The following TNFSF15 variants were observed in gnomAD, a reference collection of about 807,000 sequenced individuals.
TNFSF15 encodes tumor necrosis factor ligand superfamily member 15.
Under a neutral mutation model 26.4 loss-of-function variants are expected in TNFSF15, and 15 were observed. The observed-to-expected ratio is 0.57, with a 90% CI of 0.38 to 0.87. The LOEUF (loss-of-function observed/expected upper bound fraction) is 0.87, where lower values mean the gene tolerates loss of function less well. TNFSF15 is among the 40% of genes least tolerant of loss of function. TNFSF15 has a pLI of 0.00. For synonymous variants in TNFSF15, 116 were observed against 115.0 expected (o/e 1.01, Z -0.06); for missense variants, 290 against 306.1 (o/e 0.95, Z 0.39).
At position 114,787,925 on chromosome 9, in the gene TNFSF15, A is replaced by G. The variant is rs1229330217; in HGVS notation, c.*2527T>C. 6.5e-5 allele frequency: 10 copies of G among 153,646 alleles called. No individual in the cohort carries two copies. Among genetic ancestry groups the G allele is most frequent in the Non-Finnish European group, 1.5e-4 (10 of 68,040 alleles). 9.5% of individuals were successfully genotyped at this position (153,646 alleles called of 1,614,324 possible). A position where few individuals can be genotyped will look rare whatever the true frequency, so the allele number is the denominator to read the frequency against. On this transcript the variant is annotated 3_prime_UTR_variant, in exon 4 of 4. Coordinates refer to ENST00000374045, the MANE Select transcript of TNFSF15 (RefSeq NM_005118.4). ...ATTAGGAAATTCCTGTCTTGGGATAAATTTCCAGATCCACCAGATCACCTA... is the reference window on the plus strand; with the variant it reads ...ATTAGGAAATTCCTGTCTTGGGATAGATTTCCAGATCCACCAGATCACCTA...
intron 1 of TNFSF15, among the ~76,000 whole-genome samples, chr9:114,804,708 C>T (rs1256448391): frequency 6.6e-6 from 1 of 152,206 alleles, no homozygotes; most frequent in African/African-American, 2.4e-5. Flanking sequence ...CATATTTCTA[C>T]ATTTTATGAG....
chr9:114,792,674 T>C, intron 2 of TNFSF15: 2 of 1,156,412 alleles, frequency 1.7e-6, no homozygotes, highest in Non-Finnish European at 2.4e-6. Flanking sequence ...TGAACACAAA[T>C]GAATCTTGGC....
Position 114,790,421 on chromosome 9 carries a change from G to A in TNFSF15, c.*31C>T. 1 of 1,529,638 alleles carries A rather than the reference G, an allele frequency of 6.5e-7. No individual in the cohort carries two copies. The allele number at this position is 1,529,638 out of a possible 1,614,324, so 94.8% of individuals were successfully genotyped here. On this transcript the variant is annotated 3_prime_UTR_variant, in exon 4 of 4. Transcript: ENST00000374045. Reference sequence around the variant, plus strand: ...AGAAAATTAGGAACTCGGTGGCAGAGGACTTTCATATAATGATATTTGCTC... The same window carrying A: ...AGAAAATTAGGAACTCGGTGGCAGAAGACTTTCATATAATGATATTTGCTC...
At chr9:114,799,977 C>T (rs1268773663) in intron 1 of TNFSF15, among the ~76,000 whole-genome samples, 4 of 152,184 alleles carry the variant, frequency 2.6e-5, no homozygotes, top group Admixed American at 6.5e-5. Flanking sequence ...GGCATCTTCA[C>T]TGAGGGATAA....
In TNFSF15 at chr9:114,789,127, G is replaced by T. The variant is rs1308440758; in HGVS notation, c.*1325C>A. 1.3e-5 allele frequency: 2 copies of T among 152,244 alleles called. No individual in the cohort carries two copies. Among genetic ancestry groups the T allele is most frequent in the South Asian group, 2.1e-4 (1 of 4,814 alleles). The allele number at this position is 152,244 out of a possible 1,614,324, so 9.4% of individuals were successfully genotyped here. ...CCTTCCCCCATGGAATAAGTCCATT[G>T]TCTCTCAGCATCAAACAAGTTGGCA... On this transcript the variant is annotated 3_prime_UTR_variant, in exon 4 of 4. Coordinates refer to ENST00000374045, the MANE Select transcript of TNFSF15 (RefSeq NM_005118.4).
chr9:114,791,164 A>T, intron 3 of TNFSF15: 1 of 577,612 alleles, frequency 1.7e-6, no homozygotes, highest in South Asian at 2.5e-5. Context: ...GAAAATTTTT[A>T]ATTTTACCTG....
rs973892425 is a variant in TNFSF15 at position 114,787,570 on chromosome 9, T to C, written c.*2882A>G. ...CCTAAATTTACTGTTTTCTAAAGCATGCTTCTTCCTCCCTCCCAAACCCTG... is the reference window on the plus strand; with the variant it reads ...CCTAAATTTACTGTTTTCTAAAGCACGCTTCTTCCTCCCTCCCAAACCCTG... On this transcript the variant is annotated 3_prime_UTR_variant, in exon 4 of 4. Coordinates refer to ENST00000374045, the MANE Select transcript of TNFSF15 (RefSeq NM_005118.4). The C allele has an allele frequency of 6.6e-6, 1 of 152,600 alleles. No individual in the cohort carries two copies. Among genetic ancestry groups the C allele is most frequent in the African/African-American group, 2.4e-5 (1 of 41,458 alleles). 9.5% of individuals were successfully genotyped at this position (152,600 alleles called of 1,614,324 possible).
intron 1 of TNFSF15, among the ~76,000 whole-genome samples, chr9:114,794,565 G>A (rs369659643): frequency 2.6e-5 from 4 of 152,166 alleles, no homozygotes; most frequent in East Asian, 3.9e-4. Flanking sequence ...GGATACTTGC[G>A]CTCACATGCT....
intron 1 of TNFSF15, among the ~76,000 whole-genome samples, chr9:114,797,748 T>C (rs891857605): frequency 2.6e-5 from 4 of 152,212 alleles, no homozygotes; most frequent in Non-Finnish European, 5.9e-5. Context: ...TAGCCTCCAA[T>C]TGAATAGACA....
At chr9:114,791,189 G>A (rs1328947904) in intron 3 of TNFSF15, 4 of 560,750 alleles carry the variant, frequency 7.1e-6, no homozygotes, top group Admixed American at 3.5e-5. Flanking sequence ...CTATGATCCT[G>A]GAGAACAATG....
intron 1 of TNFSF15, among the ~76,000 whole-genome samples, chr9:114,795,360 T>G (rs55958451): frequency 2.7e-3 from 415 of 152,292 alleles, no homozygotes; most frequent in Non-Finnish European, 4.9e-3. Flanking sequence ...GTGTTGTGAG[T>G]GTATAGTCAG....
At position 114,805,922 on chromosome 9, in the gene TNFSF15, T is replaced by C; in HGVS notation, c.91A>G (p.Ser31Gly). The C allele has an allele frequency of 6.2e-7, 1 of 1,614,174 alleles. No individual in the cohort carries two copies. Among genetic ancestry groups the C allele is most frequent in the Non-Finnish European group, 8.5e-7 (1 of 1,180,044 alleles). Residue 31 changes from serine (S) to glycine (G), a missense_variant, in exon 1 of 4, where the codon AGC becomes GGC. Transcript: ENST00000374045. ...CAGGTGAGAGCCCAGCGTGCGCTGC[T>C]GCTCCTGGCCTTGGGCCTGCAGCTG... Reference protein sequence around the residue: ...HGSCRPKARSSSARWALTCCL... With the variant: ...HGSCRPKARSGSARWALTCCL...
At chr9:114,800,516 T>C (rs886338467) in intron 1 of TNFSF15, among the ~76,000 whole-genome samples, 5 of 152,318 alleles carry the variant, frequency 3.3e-5, no homozygotes, top group Middle Eastern at 3.4e-3. Context: ...AGGAGAAATA[T>C]ATACAGTGGA....
At chr9:114,797,826 G>A (rs973293128) in intron 1 of TNFSF15, among the ~76,000 whole-genome samples, 4 of 152,172 alleles carry the variant, frequency 2.6e-5, no homozygotes. Context: ...ATCCAGGATC[G>A]AATTTTATTA....
chr9:114,790,845 A>G lies in TNFSF15; in HGVS notation c.363T>C (p.His121=). 6 of 1,614,110 alleles carry G rather than the reference A, an allele frequency of 3.7e-6. No individual in the cohort carries two copies. The highest frequency in any genetic ancestry group is 4.2e-6 in the Non-Finnish European group (5 of 1,180,008). ...TCTTGGTGAAGGCCAGGCCTAGTTC[A>G]TGTTCCCAGTGCAGAGCTGGGAACT... ...KNQFPALHWE[H]ELGLAFTKNR... is the part of the protein sequence containing the mutation. Residue 121 remains histidine (H), a synonymous_variant, in exon 4 of 4, where the codon CAT becomes CAC. Transcript: ENST00000374045.
chr9:114,804,271 AC>A (rs955484806), intron 1 of TNFSF15, among the ~76,000 whole-genome samples: 15 of 152,070 alleles, frequency 9.9e-5, no homozygotes, highest in African/African-American at 3.4e-4. Flanking sequence ...AGTAAAAAAG[AC>A]CCCGTGCCTT....
intron 3 of TNFSF15, 110 bp from the exon 4 acceptor site, chr9:114,791,016 A>G (rs1228136988): frequency 3.0e-6 from 3 of 984,958 alleles, no homozygotes; most frequent in South Asian, 1.6e-5. Flanking sequence ...AATATACCTA[A>G]CAGCTAAAAA....
At position 114,788,245 on chromosome 9, in the gene TNFSF15, T is replaced by A. The variant is rs1024385452; in HGVS notation, c.*2207A>T. Reference sequence around the variant, plus strand: ...CTTTAAGTCAAGGGTAATTCCTCCATCTGAGATGCCCTTTCCCTGTGGTCA... The same window carrying A: ...CTTTAAGTCAAGGGTAATTCCTCCAACTGAGATGCCCTTTCCCTGTGGTCA... On this transcript the variant is annotated 3_prime_UTR_variant, in exon 4 of 4. Transcript: ENST00000374045. 6 of 153,746 alleles carry A rather than the reference T, an allele frequency of 3.9e-5. No homozygotes were observed. Among genetic ancestry groups the A allele is most frequent in the African/African-American group, 1.2e-4 (5 of 41,444 alleles). The allele number at this position is 153,746 out of a possible 1,614,324, so 9.5% of individuals were successfully genotyped here. A position where few individuals can be genotyped will look rare whatever the true frequency, so the allele number is the denominator to read the frequency against.
chr9:114,800,564 G>GCACATTGTT (rs1564346988), intron 1 of TNFSF15, among the ~76,000 whole-genome samples: 2 of 152,248 alleles, frequency 1.3e-5, no homozygotes, highest in East Asian at 3.9e-4. Flanking sequence ...GTGTGACTGG[G>GCACATTGTT]CACATTGTTT....
Sources: allele counts gnomAD v4.1 joint callset (sites outside exome capture counted in the v4.1 genomes callset), GRCh38; gene constraint gnomAD v4.1.1; transcripts MANE v1.5; gene names NCBI Gene and HGNC (gene_info 2026-07-23, HGNC 2026-07-21).